KATNBL1: variants seen among roughly 807,000 people sequenced by gnomAD.
KATNBL1 encodes katanin regulatory subunit B1 like 1.
A neutral mutation model predicts 44.7 loss-of-function variants in KATNBL1; 28 were observed. The observed-to-expected ratio is 0.63, with a 90% CI of 0.46 to 0.86. KATNBL1 has a LOEUF of 0.86. Among genes scored for constraint, KATNBL1 ranks in the 40% least tolerant of loss-of-function variants. KATNBL1 has a pLI of 0.00. For missense variants in KATNBL1, 272 were observed against 350.7 expected, an observed-to-expected ratio of 0.78 and a Z score of 1.79; for synonymous variants, 78 against 114.9, an observed-to-expected ratio of 0.68 and a Z score of 2.06.
At chr15:34,150,224 T>TA (rs1228234917) in intron 4 of KATNBL1, among the ~76,000 whole-genome samples, 1 of 152,242 alleles carries the variant, frequency 6.6e-6, no homozygotes, top group Non-Finnish European at 1.5e-5. Context: ...GAATGTAAAG[T>TA]AAAAAGAGGT....
intron 1 of KATNBL1, among the ~76,000 whole-genome samples, chr15:34,198,790 G>C (rs1033185065): frequency 2.0e-5 from 3 of 152,184 alleles, no homozygotes; most frequent in African/African-American, 7.2e-5. Flanking sequence ...GGACTGGCAA[G>C]GGAAGCAAAG....
At chr15:34,175,741 A>T (rs536304577) in intron 1 of KATNBL1, among the ~76,000 whole-genome samples, 2 of 152,350 alleles carry the variant, frequency 1.3e-5, no homozygotes, top group African/African-American at 4.8e-5. Context: ...GGAATGTAAA[A>T]ATACATTCAA....
At chr15:34,185,568 C>G (rs1889694727) in intron 1 of KATNBL1, among the ~76,000 whole-genome samples, 1 of 152,162 alleles carries the variant, frequency 6.6e-6, no homozygotes, top group Non-Finnish European at 1.5e-5. Context: ...CTCCAGTGAA[C>G]AATGAATACC....
intron 1 of KATNBL1, among the ~76,000 whole-genome samples, chr15:34,193,111 G>A (rs1176630622): frequency 2.0e-5 from 3 of 151,340 alleles, no homozygotes; most frequent in African/African-American, 7.3e-5. Flanking sequence ...CAGCTACTCG[G>A]GAGGCTGAGG....
At chr15:34,185,641 C>T (rs933529725) in intron 1 of KATNBL1, among the ~76,000 whole-genome samples, 2 of 152,292 alleles carry the variant, frequency 1.3e-5, no homozygotes, top group Admixed American at 1.3e-4. Context: ...ATGCTTGGCA[C>T]ACAGAAAGCC....
chr15:34,159,471 A>C (rs1888734005), intron 2 of KATNBL1, among the ~76,000 whole-genome samples: 1 of 152,144 alleles, frequency 6.6e-6, no homozygotes, highest in African/African-American at 2.4e-5. Context: ...GCAGTATTGG[A>C]GTGTTATAGG....
intron 1 of KATNBL1, among the ~76,000 whole-genome samples, chr15:34,202,786 T>C (rs1890203786): frequency 6.6e-6 from 1 of 152,002 alleles, no homozygotes; most frequent in Non-Finnish European, 1.5e-5. Context: ...AGGTCCGGAG[T>C]TCGAGACCAG....
intron 1 of KATNBL1, among the ~76,000 whole-genome samples, chr15:34,184,894 A>C (rs997783596): frequency 5.3e-5 from 8 of 151,470 alleles, no homozygotes; most frequent in African/African-American, 1.9e-4. Flanking sequence ...TTATTAAAAC[A>C]AAATGTTTCT....
intron 2 of KATNBL1, among the ~76,000 whole-genome samples, chr15:34,156,038 A>G (rs1888626983): frequency 6.6e-6 from 1 of 152,168 alleles, no homozygotes; most frequent in Admixed American, 6.5e-5. Context: ...CAACTGCACT[A>G]GGGCGCAAGT....
chr15:34,177,029 T>C (rs1422433932), intron 1 of KATNBL1, among the ~76,000 whole-genome samples: 2 of 50,928 alleles, frequency 3.9e-5, no homozygotes, highest in Admixed American at 2.9e-4. Flanking sequence ...ACAGTGATTA[T>C]AGAAACTGGC....
intron 1 of KATNBL1, among the ~76,000 whole-genome samples, chr15:34,184,465 AAC>A (rs1889659380): frequency 1.3e-5 from 2 of 150,838 alleles, no homozygotes; most frequent in South Asian, 4.2e-4. Context: ...CAGCCTGGGC[AAC>A]AGAGTGAGAT....
intron 8 of KATNBL1, 150 bp downstream of exon 8, chr15:34,146,611 T>A: frequency 1.7e-6 from 1 of 571,482 alleles, no homozygotes; most frequent in South Asian, 2.4e-5. Context: ...TTTTCACAAA[T>A]GAACAGTCTC....
chr15:34,167,291 C>A (rs888005496), intron 1 of KATNBL1, among the ~76,000 whole-genome samples: 1 of 152,118 alleles, frequency 6.6e-6, no homozygotes, highest in African/African-American at 2.4e-5. Flanking sequence ...ACGAGAACTT[C>A]ATAAAGCATA....
intron 1 of KATNBL1, among the ~76,000 whole-genome samples, chr15:34,173,022 TA>T (rs1597445174): frequency 6.6e-6 from 1 of 151,484 alleles, no homozygotes; most frequent in Non-Finnish European, 1.5e-5. Context: ...AAAATACTCT[TA>T]AAAATTAAAA....
intron 1 of KATNBL1, among the ~76,000 whole-genome samples, chr15:34,171,928 G>A (rs1889174061): frequency 7.6e-6 from 1 of 131,938 alleles, no homozygotes. Flanking sequence ...ACACACCAGG[G>A]CCTGTCATGG....
chr15:34,188,301 A>G (rs1479891525), intron 1 of KATNBL1, among the ~76,000 whole-genome samples: 1 of 151,972 alleles, frequency 6.6e-6, no homozygotes, highest in African/African-American at 2.4e-5. Flanking sequence ...CACATCTGTA[A>G]TCCCAGCACT....
chr15:34,180,270 G>A (rs1318422863), intron 1 of KATNBL1, among the ~76,000 whole-genome samples: 2 of 149,868 alleles, frequency 1.3e-5, no homozygotes, highest in Non-Finnish European at 1.5e-5. Context: ...TCTCTCATCT[G>A]AAAAAAAAAA....
chr15:34,166,971 AAACCACAAAGATGGGGAG>A, intron 1 of KATNBL1, among the ~76,000 whole-genome samples: 1 of 152,354 alleles, frequency 6.6e-6, no homozygotes, highest in Admixed American at 6.5e-5. Context: ...AAGGTAGATA[AAACCACAAAGATGGGGAG>A]AAACCAGAGC....
chr15:34,157,500 A>C (rs1302297833), intron 2 of KATNBL1, among the ~76,000 whole-genome samples: 4 of 152,164 alleles, frequency 2.6e-5, no homozygotes, highest in Non-Finnish European at 2.9e-5. Flanking sequence ...GTGCTAAAAG[A>C]CCTTTAGTTC....
Sources: allele counts gnomAD v4.1 joint callset (sites outside exome capture counted in the v4.1 genomes callset), GRCh38; gene constraint gnomAD v4.1.1; transcripts MANE v1.5; gene names NCBI Gene and HGNC (gene_info 2026-07-23, HGNC 2026-07-21).